Variants in EYA1 observed in about 807,000 individuals in gnomAD.
The protein encoded by EYA1 is protein phosphatase EYA1.
Under a neutral mutation model 82.0 loss-of-function variants are expected in EYA1, and 16 were observed. That is an observed-to-expected ratio of 0.20 (90% confidence interval 0.13 to 0.30). The LOEUF is 0.30. Among genes scored for constraint, EYA1 ranks in the 10% least tolerant of loss-of-function variants. The probability of loss-of-function intolerance (pLI) is 1.00; values close to 1 mark genes in which losing one functional copy is unlikely to be tolerated. For missense variants in EYA1, 633 were observed against 730.7 expected (o/e 0.87, Z 1.54); for synonymous variants, 261 against 264.4 (o/e 0.99, Z 0.12).
At chr8:71,408,059 G>T (rs1002513731) in intron 2 of EYA1, among the ~76,000 whole-genome samples, 4 of 151,860 alleles carry the variant, frequency 2.6e-5, no homozygotes, top group Non-Finnish European at 5.9e-5. Flanking sequence ...GAGAGTGGGG[G>T]CCAATATTCA....
intron 1 of EYA1, among the ~76,000 whole-genome samples, chr8:71,545,497 G>A (rs762590039): frequency 6.0e-5 from 9 of 150,002 alleles, no homozygotes; most frequent in Non-Finnish European, 1.0e-4. Flanking sequence ...TATACATCTC[G>A]ACTTTTTTAT....
At chr8:71,376,335 C>A (rs529071329) in intron 2 of EYA1, among the ~76,000 whole-genome samples, 13 of 152,080 alleles carry the variant, frequency 8.5e-5, no homozygotes, top group African/African-American at 3.1e-4. Flanking sequence ...GGGTGTAGGG[C>A]ATGGGACATT....
chr8:71,353,678 T>G (rs945758026), intron 3 of EYA1, among the ~76,000 whole-genome samples: 8 of 152,246 alleles, frequency 5.3e-5, no homozygotes, highest in Non-Finnish European at 2.9e-5. Flanking sequence ...ATTGTAAGTT[T>G]CAAAAGCCTT....
At chr8:71,485,505 G>T (rs1810491824) in intron 2 of EYA1, among the ~76,000 whole-genome samples, 1 of 151,862 alleles carries the variant, frequency 6.6e-6, no homozygotes, top group Middle Eastern at 3.2e-3. Context: ...CATGTAAAAA[G>T]AACGGTTAGG....
intron 9 of EYA1, among the ~76,000 whole-genome samples, chr8:71,281,245 G>A: frequency 6.6e-6 from 1 of 152,128 alleles, no homozygotes; most frequent in South Asian, 2.1e-4. Context: ...TGTTTTGTCT[G>A]AGAATGTTTT....
intron 2 of EYA1, among the ~76,000 whole-genome samples, chr8:71,474,469 T>C (rs1809491671): frequency 6.6e-6 from 1 of 152,138 alleles, no homozygotes; most frequent in African/African-American, 2.4e-5. Flanking sequence ...CACAACAGCA[T>C]GTTGTTTTGC....
At chr8:71,278,365 G>C (rs1049905978) in intron 9 of EYA1, among the ~76,000 whole-genome samples, 1 of 152,116 alleles carries the variant, frequency 6.6e-6, no homozygotes, top group Non-Finnish European at 1.5e-5. Flanking sequence ...TTAATACGCT[G>C]TTTTCTTATA....
intron 2 of EYA1, among the ~76,000 whole-genome samples, chr8:71,384,552 C>T (rs558811846): frequency 6.6e-6 from 1 of 152,298 alleles, no homozygotes; most frequent in African/African-American, 2.4e-5. Context: ...TCCATCTCCT[C>T]GATGGGAATA....
intron 2 of EYA1, among the ~76,000 whole-genome samples, chr8:71,495,084 A>AAAAAAAAAG (rs1435064303): frequency 1.3e-5 from 2 of 151,520 alleles, no homozygotes; most frequent in Non-Finnish European, 2.9e-5. Flanking sequence ...TTTATACTTT[A>AAAAAAAAAG]AAAAAAAAGA....
intron 2 of EYA1, among the ~76,000 whole-genome samples, chr8:71,389,609 A>G (rs1375948923): frequency 6.6e-6 from 1 of 152,198 alleles, no homozygotes; most frequent in Non-Finnish European, 1.5e-5. Flanking sequence ...AACATCATGG[A>G]AAAAAATCTT....
chr8:71,323,007 T>C (rs1822755083), intron 4 of EYA1, among the ~76,000 whole-genome samples: 1 of 152,206 alleles, frequency 6.6e-6, no homozygotes, highest in Non-Finnish European at 1.5e-5. Flanking sequence ...GTTTACTTGA[T>C]TAAATAATGC....
chr8:71,543,492 C>T (rs976697531), intron 1 of EYA1, among the ~76,000 whole-genome samples: 5 of 152,130 alleles, frequency 3.3e-5, no homozygotes, highest in African/African-American at 1.2e-4. Flanking sequence ...TTCCCAGTAC[C>T]ATCAAGGAGG....
chr8:71,379,990 T>C (rs893272244), intron 2 of EYA1, among the ~76,000 whole-genome samples: 4 of 152,186 alleles, frequency 2.6e-5, no homozygotes, highest in African/African-American at 9.7e-5. Context: ...TGACACACAC[T>C]GTCCTGCTGT....
chr8:71,503,938 C>T (rs983917932), intron 2 of EYA1, among the ~76,000 whole-genome samples: 1 of 152,070 alleles, frequency 6.6e-6, no homozygotes, highest in African/African-American at 2.4e-5. Context: ...TGATGTGAGT[C>T]GCTGGAATGG....
At chr8:71,242,561 C>T (rs770290731) in intron 12 of EYA1, among the ~76,000 whole-genome samples, 19 of 152,064 alleles carry the variant, frequency 1.2e-4, no homozygotes, top group Non-Finnish European at 2.4e-4. Context: ...AATACATCTC[C>T]TATACCCTAA....
chr8:71,412,285 C>T (rs1027099834), intron 2 of EYA1, among the ~76,000 whole-genome samples: 7 of 144,226 alleles, frequency 4.9e-5, no homozygotes, highest in Admixed American at 1.4e-4. Flanking sequence ...TGCTAGATGA[C>T]GAGTTAGTGG....
intron 2 of EYA1, among the ~76,000 whole-genome samples, chr8:71,389,974 G>A (rs559187498): frequency 2.6e-5 from 4 of 152,100 alleles, no homozygotes; most frequent in Non-Finnish European, 5.9e-5. Context: ...ATCATTTATT[G>A]AATTTATCAT....
At chr8:71,258,510 G>A (rs1016058765) in intron 11 of EYA1, among the ~76,000 whole-genome samples, 1 of 152,264 alleles carries the variant, frequency 6.6e-6, no homozygotes, top group African/African-American at 2.4e-5. Flanking sequence ...TACTTCTATG[G>A]TGGAGTCTTA....
chr8:71,216,376 T>G (rs1809195271), intron 14 of EYA1, among the ~76,000 whole-genome samples: 1 of 152,220 alleles, frequency 6.6e-6, no homozygotes, highest in African/African-American at 2.4e-5. Flanking sequence ...ATCTTGTGAT[T>G]TGGGCAGAGG....
Sources: allele counts gnomAD v4.1 joint callset (sites outside exome capture counted in the v4.1 genomes callset), GRCh38; gene constraint gnomAD v4.1.1; transcripts MANE v1.5; gene names NCBI Gene and HGNC (gene_info 2026-07-23, HGNC 2026-07-21).